Variants in COX7B2 observed in about 807,000 individuals in gnomAD.
COX7B2 encodes the protein cytochrome c oxidase subunit 7B2, also known as cytochrome c oxidase subunit 7B2, mitochondrial.
For missense variants in COX7B2, 109 were observed against 95.9 expected, an observed-to-expected ratio of 1.14 and a Z score of -0.57; for synonymous variants, 37 against 32.1, an observed-to-expected ratio of 1.15 and a Z score of -0.51.
chr4:46,907,850 T>TTTTTTTTTTTTTTTTTTTTG (rs1720500314), intron 1 of COX7B2, among the ~76,000 whole-genome samples: 1 of 123,824 alleles, frequency 8.1e-6, no homozygotes, highest in African/African-American at 3.0e-5. Context: ...TGAGCAGACT[T>TTTTTTTTTTTTTTTTTTTTG]TTTTTTTTTT....
chr4:46,877,730 T>C (rs913593651), intron 1 of COX7B2, among the ~76,000 whole-genome samples: 1 of 151,812 alleles, frequency 6.6e-6, no homozygotes, highest in African/African-American at 2.4e-5. Context: ...CAAAAAATAA[T>C]AAATATGAGT....
Position 46,754,888 on chromosome 4 carries a change from A to C in COX7B2, c.-49-19647T>G, listed in dbSNP as rs150472597. The stretch of plus-strand genomic sequence containing the variant: ...CATACAAAGAACTAATACCAATCCT[A>C]CTGAAGCTATTTTTTTTAATTGTGC... On this transcript the variant is annotated intron_variant, in intron 2 of 2. Transcript: ENST00000355591. 6.8e-3 allele frequency among the ~76,000 whole-genome samples: 1,030 copies of C among 151,218 alleles called. 12 individuals carry two copies. Among genetic ancestry groups the C allele is most frequent in the African/African-American group, 0.024 (989 of 41,242 alleles).
chr4:46,865,064 G>A (rs1236989537), intron 1 of COX7B2, among the ~76,000 whole-genome samples: 12 of 152,172 alleles, frequency 7.9e-5, no homozygotes, highest in Admixed American at 7.8e-4. Context: ...CACCTGAGTA[G>A]TATACAGTAT....
chr4:46,878,309 A>G (rs6819146), intron 1 of COX7B2, among the ~76,000 whole-genome samples: 77,673 of 151,806 alleles, frequency 0.51, 20,102 homozygotes, highest in East Asian at 0.67. Context: ...GGATGACTAA[A>G]TCTAGAGATC....
chr4:46,908,784 G>A (rs1274938547), intron 1 of COX7B2, among the ~76,000 whole-genome samples: 3 of 150,144 alleles, frequency 2.0e-5, no homozygotes, highest in Non-Finnish European at 4.4e-5. Flanking sequence ...GCTCACGCCT[G>A]TAATCCCAAC....
At chr4:46,782,579 G>A (rs1347833241) in intron 2 of COX7B2, among the ~76,000 whole-genome samples, 2 of 152,158 alleles carry the variant, frequency 1.3e-5, no homozygotes, top group Non-Finnish European at 2.9e-5. Context: ...ACCCACTTGG[G>A]TCTCCTTCCA....
intron 1 of COX7B2, among the ~76,000 whole-genome samples, chr4:46,874,494 C>T (rs761952064): frequency 9.2e-5 from 14 of 152,136 alleles, no homozygotes; most frequent in Non-Finnish European, 1.6e-4. Flanking sequence ...CTTATCTGCT[C>T]TTCATTTTCT....
At chr4:46,831,753 T>C (rs1715123704) in intron 2 of COX7B2, among the ~76,000 whole-genome samples, 1 of 152,092 alleles carries the variant, frequency 6.6e-6, no homozygotes, top group South Asian at 2.1e-4. Flanking sequence ...ATCTCAAGGT[T>C]TGTAAATGCA....
intron 1 of COX7B2, among the ~76,000 whole-genome samples, chr4:46,883,580 A>G (rs376969999): frequency 6.6e-6 from 1 of 152,182 alleles, no homozygotes; most frequent in African/African-American, 2.4e-5. Context: ...TACCAAAAAT[A>G]CAAAAAAATT....
chr4:46,737,685 T>G (rs1335634420), intron 2 of COX7B2, among the ~76,000 whole-genome samples: 1 of 152,116 alleles, frequency 6.6e-6, no homozygotes, highest in East Asian at 1.9e-4. Flanking sequence ...AAATAATTCT[T>G]TAAATTTATC....
chr4:46,907,015 G>A (rs17460031), intron 1 of COX7B2, among the ~76,000 whole-genome samples: 5 of 152,146 alleles, frequency 3.3e-5, no homozygotes, highest in Non-Finnish European at 7.3e-5. Flanking sequence ...TCTTAGTTCT[G>A]CCTTTAACGT....
rs141079072 is a variant in COX7B2, at chr4:46,858,227, A to G, written c.-104-13213T>C. 6.5e-3 allele frequency among the ~76,000 whole-genome samples: 985 copies of G among 152,116 alleles called. 8 individuals are homozygous for G. The highest frequency in any genetic ancestry group is 0.022 in the African/African-American group (930 of 41,496). On this transcript the variant is annotated intron_variant, in intron 1 of 2. Coordinates refer to ENST00000355591, the MANE Select transcript of COX7B2 (RefSeq NM_130902.3). ...TCCCACCTCAGCCTCCTGAGTAGCT[A>G]GGACTGCAAGTGCACACCACCATGC...
chr4:46,774,070 T>A (rs1395249824), intron 2 of COX7B2, among the ~76,000 whole-genome samples: 1 of 152,154 alleles, frequency 6.6e-6, no homozygotes, highest in Non-Finnish European at 1.5e-5. Flanking sequence ...TCCAACAGAA[T>A]TAGTTAAGTT....
intron 2 of COX7B2, among the ~76,000 whole-genome samples, chr4:46,776,773 G>T (rs1267288764): frequency 6.6e-6 from 1 of 152,072 alleles, no homozygotes; most frequent in Non-Finnish European, 1.5e-5. Context: ...GATTAGTAAA[G>T]ATCATGAACC....
At chr4:46,782,820 C>T (rs1007822471) in intron 2 of COX7B2, among the ~76,000 whole-genome samples, 2 of 152,074 alleles carry the variant, frequency 1.3e-5, no homozygotes, top group Non-Finnish European at 2.9e-5. Flanking sequence ...CTGAAGTCAG[C>T]GAGACCACGA....
chr4:46,777,195 C>T (rs1306832406), intron 2 of COX7B2, among the ~76,000 whole-genome samples: 5 of 151,992 alleles, frequency 3.3e-5, no homozygotes, highest in Non-Finnish European at 7.4e-5. Context: ...AGAATCTGGA[C>T]CTTGAAACCA....
chr4:46,817,519 C>A lies in COX7B2; in HGVS notation c.-50+27441G>T, dbSNP rs566725597. Among the ~76,000 whole-genome samples, 9 of 152,282 alleles carry A rather than the reference C, an allele frequency of 5.9e-5. No homozygotes were observed. In the South Asian group the frequency reaches 1.9e-3, roughly 32 times the overall value. ...ATTTTTACTGTACTCTTTTCTCTAA[C>A]TTTTCTGACACCCTTTAATTGGGCA... On this transcript the variant is annotated intron_variant, in intron 2 of 2. Coordinates refer to ENST00000355591, the MANE Select transcript of COX7B2 (RefSeq NM_130902.3).
At chr4:46,792,919 A>G (rs1161642714) in intron 2 of COX7B2, among the ~76,000 whole-genome samples, 1 of 152,234 alleles carries the variant, frequency 6.6e-6, no homozygotes, top group Non-Finnish European at 1.5e-5. Context: ...ATCTGGCAAT[A>G]GAGATACACA....
At chr4:46,842,433 G>C (rs765940056) in intron 2 of COX7B2, among the ~76,000 whole-genome samples, 7 of 151,908 alleles carry the variant, frequency 4.6e-5, no homozygotes, top group Non-Finnish European at 1.0e-4. Context: ...TAAGTTTTAG[G>C]GTACATGTGC....
Sources: allele counts gnomAD v4.1 joint callset (sites outside exome capture counted in the v4.1 genomes callset), GRCh38; gene constraint gnomAD v4.1.1; transcripts MANE v1.5; gene names NCBI Gene and HGNC (gene_info 2026-07-23, HGNC 2026-07-21).